The following RELN variants were observed in gnomAD, a reference collection of about 807,000 sequenced individuals.
The protein encoded by RELN is reelin.
A neutral mutation model predicts 427.6 loss-of-function variants in RELN; 108 were observed. The ratio of observed to expected loss-of-function variants is 0.25; its 90% CI spans 0.22 to 0.30. RELN has a LOEUF of 0.30. Ranked by LOEUF, RELN falls within the 10% of genes least tolerant of loss-of-function variation. The pLI is 1.00. For synonymous variants in RELN, 1,524 were observed against 1,513.4 expected (o/e 1.01, Z -0.16); for missense variants, 3,715 against 4,302.8 (o/e 0.86, Z 3.82).
At chr7:103,834,310 A>G (rs1394369870) in intron 2 of RELN, among the ~76,000 whole-genome samples, 2 of 152,180 alleles carry the variant, frequency 1.3e-5, no homozygotes, top group Non-Finnish European at 2.9e-5. Flanking sequence ...TCCTATTTGC[A>G]TGGATGGGGA....
chr7:103,630,680 T>C (rs186040492), intron 19 of RELN, among the ~76,000 whole-genome samples: 110 of 152,300 alleles, frequency 7.2e-4, no homozygotes, highest in African/African-American at 2.6e-3. Context: ...GCCACTGCAA[T>C]GACACCTACT....
intron 14 of RELN, 48 bp downstream of exon 14, chr7:103,652,503 T>G: frequency 6.7e-7 from 1 of 1,493,520 alleles, no homozygotes; most frequent in Non-Finnish European, 9.3e-7. Flanking sequence ...TAGCCAAATC[T>G]GCAAACTCAT....
At chr7:103,489,200 AGG>A (rs1180606191) in intron 60 of RELN, among the ~76,000 whole-genome samples, 7 of 120,242 alleles carry the variant, frequency 5.8e-5, no homozygotes, top group African/African-American at 1.2e-4. Context: ...TGAGTCATAA[AGG>A]GGTGTGTGTG....
At chr7:103,770,241 C>A (rs143369649) in intron 4 of RELN, among the ~76,000 whole-genome samples, 1 of 152,106 alleles carries the variant, frequency 6.6e-6, no homozygotes, top group Admixed American at 6.5e-5. Context: ...TGTGCCATCA[C>A]GCCCAGCTAA....
chr7:103,677,175 C>A (rs1405800595), intron 11 of RELN, among the ~76,000 whole-genome samples: 2 of 150,622 alleles, frequency 1.3e-5, no homozygotes, highest in African/African-American at 4.9e-5. Context: ...GAAAACCAAA[C>A]AGTGCATATT....
chr7:103,986,951 TGTGTGTG>T (rs1797112229), intron 1 of RELN, among the ~76,000 whole-genome samples: 1 of 151,248 alleles, frequency 6.6e-6, no homozygotes, highest in African/African-American at 2.4e-5. Flanking sequence ...TGTGTGTGTG[TGTGTGTG>T]TGTGTGTGTG....
intron 11 of RELN, among the ~76,000 whole-genome samples, chr7:103,671,095 G>T (rs952170661): frequency 2.6e-5 from 4 of 152,078 alleles, no homozygotes; most frequent in African/African-American, 9.7e-5. Flanking sequence ...TAAGGGATGT[G>T]CCATAGGTGA....
chr7:103,881,025 G>A (rs1794594378), intron 2 of RELN, among the ~76,000 whole-genome samples: 1 of 152,142 alleles, frequency 6.6e-6, no homozygotes, highest in Non-Finnish European at 1.5e-5. Flanking sequence ...TACTATTAAT[G>A]TAATATTAAA....
intron 46 of RELN, among the ~76,000 whole-genome samples, chr7:103,529,873 A>G (rs1012294253): frequency 2.0e-5 from 3 of 152,016 alleles, no homozygotes; most frequent in Non-Finnish European, 4.4e-5. Flanking sequence ...TACTCTCTAT[A>G]GTTTATGTCA....
chr7:103,564,451 A>C (rs1358827582), intron 34 of RELN, among the ~76,000 whole-genome samples: 2 of 152,214 alleles, frequency 1.3e-5, no homozygotes, highest in Non-Finnish European at 2.9e-5. Context: ...GTAGGGACAC[A>C]GGGAGGAAGT....
At chr7:103,551,859 A>G (rs949172919) in intron 40 of RELN, among the ~76,000 whole-genome samples, 3 of 152,184 alleles carry the variant, frequency 2.0e-5, no homozygotes, top group African/African-American at 7.2e-5. Flanking sequence ...GATATGATAT[A>G]CAAAGTGAAA....
At chr7:103,753,002 T>A (rs1274672777) in intron 5 of RELN, among the ~76,000 whole-genome samples, 180 bp downstream of exon 5, 1 of 152,142 alleles carries the variant, frequency 6.6e-6, no homozygotes, top group Admixed American at 6.6e-5. Context: ...GCAGCATGAA[T>A]GTTTCCTCAA....
At chr7:103,725,444 A>T (rs920410716) in intron 7 of RELN, among the ~76,000 whole-genome samples, 1 of 152,096 alleles carries the variant, frequency 6.6e-6, no homozygotes, top group Non-Finnish European at 1.5e-5. Flanking sequence ...AGTCCCAGCT[A>T]CTTAGGAGGC....
At chr7:103,518,289 T>TATCTG (rs1829615460) in intron 49 of RELN, among the ~76,000 whole-genome samples, 2 of 151,782 alleles carry the variant, frequency 1.3e-5, no homozygotes, top group Non-Finnish European at 2.9e-5. Context: ...TTTTAGCCTG[T>TATCTG]ATCTGGCTTG....
At chr7:103,648,705 A>C (rs1485636356) in intron 16 of RELN, among the ~76,000 whole-genome samples, 1 of 152,096 alleles carries the variant, frequency 6.6e-6, no homozygotes, top group Non-Finnish European at 1.5e-5. Context: ...GAAGGGACTA[A>C]TATCCAGAAT....
chr7:103,805,353 A>G (rs1318864482), intron 3 of RELN, among the ~76,000 whole-genome samples: 1 of 152,232 alleles, frequency 6.6e-6, no homozygotes, highest in Non-Finnish European at 1.5e-5. Flanking sequence ...CCAACTTTAG[A>G]TATACGAACG....
At chr7:103,972,894 A>ATGTGTGTGTGTGTGTGTGTGTGTG (rs34930399) in intron 1 of RELN, among the ~76,000 whole-genome samples, 1 of 149,166 alleles carries the variant, frequency 6.7e-6, no homozygotes, top group African/African-American at 2.5e-5. Flanking sequence ...GCATATGATT[A>ATGTGTGTGTGTGTGTGTGTGTGTG]TGTGTGTGTG....
chr7:103,505,008 G>GA (rs1829160584), intron 51 of RELN, among the ~76,000 whole-genome samples: 1 of 152,138 alleles, frequency 6.6e-6, no homozygotes, highest in South Asian at 2.1e-4. Context: ...AAGGCCAACT[G>GA]CCACTCTAGA....
At chr7:103,689,078 T>A (rs1833819547) in intron 10 of RELN, among the ~76,000 whole-genome samples, 1 of 151,330 alleles carries the variant, frequency 6.6e-6, no homozygotes, top group East Asian at 1.9e-4. Flanking sequence ...AACAAATTAC[T>A]TTTTTTAAAA....
Sources: gnomAD v4.1 joint callset for allele counts (sites outside exome capture counted in the v4.1 genomes callset) on GRCh38, gnomAD v4.1.1 for gene constraint, MANE v1.5 for transcripts, NCBI Gene and HGNC (gene_info 2026-07-23, HGNC 2026-07-21) for gene names.